PPP6R2: variants seen among roughly 807,000 people sequenced by gnomAD.
PPP6R2 encodes the protein serine/threonine-protein phosphatase 6 regulatory subunit 2.
PPP6R2 carries 62 observed loss-of-function variants against 100.2 expected under a neutral mutation model. That is an observed-to-expected ratio of 0.62 (90% CI 0.50 to 0.76). The LOEUF (loss-of-function observed/expected upper bound fraction) is 0.76. Among genes scored for constraint, PPP6R2 ranks in the 30% least tolerant of loss-of-function variants. The probability of loss-of-function intolerance (pLI) is 0.00; values close to 1 mark genes in which losing one functional copy is unlikely to be tolerated. For synonymous variants in PPP6R2, 525 were observed against 514.7 expected (o/e 1.02, Z -0.27); for missense variants, 1,142 against 1,276.3 (o/e 0.89, Z 1.60).
the PPP6R2 span, among the ~76,000 whole-genome samples, chr22:50,334,778 A>C: frequency 1.3e-5 from 2 of 151,994 alleles, no homozygotes; most frequent in Admixed American, 1.3e-4. Flanking sequence ...CCAGCCTGGC[A>C]AACATGGTGA....
chr22:50,412,628 TC>T lies in PPP6R2; in HGVS notation c.415-1922del, dbSNP rs1228713827. The stretch of plus-strand genomic sequence containing the variant: ...TTTGTTTCTTGTCAGTTTAAATAAG[TC>T]CTTTTTTTTTTTTTTTTTTTTTTTT... On this transcript the variant is annotated intron_variant, in intron 4 of 23. Coordinates refer to ENST00000612753, the MANE Select transcript of PPP6R2 (RefSeq NM_001242898.2). 1.5e-4 allele frequency among the ~76,000 whole-genome samples: 20 copies of T among 137,726 alleles called. No homozygotes were observed. In the East Asian group the frequency reaches 3.4e-3, roughly 24 times the overall value. The allele number at this position is 137,726 out of a possible 152,430, so 90.4% of individuals were successfully genotyped here. A position where few individuals can be genotyped will look rare whatever the true frequency, so the allele number is the denominator to read the frequency against.
chr22:50,375,088 G>T (rs1479775993), intron 2 of PPP6R2, among the ~76,000 whole-genome samples: 2 of 152,152 alleles, frequency 1.3e-5, no homozygotes, highest in Admixed American at 6.6e-5. Context: ...ATGGAAGCCA[G>T]TAGAGAGTAG....
At chr22:50,351,855 G>A (rs1602086096) in intron 1 of PPP6R2, among the ~76,000 whole-genome samples, 3 of 151,988 alleles carry the variant, frequency 2.0e-5, no homozygotes, top group South Asian at 2.1e-4. Context: ...GTGCAGTGGC[G>A]CGATCTCGGC....
At chr22:50,396,427 A>G (rs1171906803) in intron 3 of PPP6R2, among the ~76,000 whole-genome samples, 5 of 147,080 alleles carry the variant, frequency 3.4e-5, no homozygotes, top group African/African-American at 5.0e-5. Context: ...CCTGGGAGGT[A>G]GAGGTTTCAG....
chr22:50,347,120 A>T (rs142628524), intron 1 of PPP6R2, among the ~76,000 whole-genome samples: 2 of 151,514 alleles, frequency 1.3e-5, no homozygotes, highest in East Asian at 2.0e-4. Context: ...GCTCTTTGCT[A>T]TCGGCCTCTG....
At chr22:50,357,977 G>A (rs899370026) in intron 1 of PPP6R2, among the ~76,000 whole-genome samples, 4 of 151,536 alleles carry the variant, frequency 2.6e-5, no homozygotes, top group Non-Finnish European at 5.9e-5. Context: ...CTTGAGACAC[G>A]GTCTCGCTTT....
chr22:50,436,914 C>A, intron 14 of PPP6R2, 74 bp from the exon 15 acceptor site: 1 of 1,267,176 alleles, frequency 7.9e-7, no homozygotes, highest in South Asian at 1.3e-5. Context: ...GGGCATGGTC[C>A]TGGGCGCTGG....
intron 1 of PPP6R2, among the ~76,000 whole-genome samples, chr22:50,349,008 A>G (rs2044379494): frequency 6.6e-6 from 1 of 151,826 alleles, no homozygotes; most frequent in Admixed American, 6.6e-5. Flanking sequence ...CTTGGCCAAC[A>G]TAGTGAAACT....
intron 3 of PPP6R2, among the ~76,000 whole-genome samples, chr22:50,402,897 C>T (rs971645337): frequency 3.9e-5 from 6 of 152,224 alleles, no homozygotes; most frequent in South Asian, 4.1e-4. Context: ...CATGTGTGCA[C>T]ACGTTTGTCC....
rs2061562848 is a variant in PPP6R2 at position 50,423,178 on chromosome 22, C to G, written c.973-284C>G. On this transcript the variant is annotated intron_variant, in intron 9 of 23. Coordinates refer to ENST00000612753, the MANE Select transcript of PPP6R2 (RefSeq NM_001242898.2). The surrounding 1 kb of genome is among the most constrained non-coding windows in gnomAD (Gnocchi z 4.8). ...GTACTGCTGGCCCCATCTTGGACATCTCACCCGCTGAGGTGCACGGCTCTC... is the reference window on the plus strand; with the variant it reads ...GTACTGCTGGCCCCATCTTGGACATGTCACCCGCTGAGGTGCACGGCTCTC... Among the ~76,000 whole-genome samples the G allele has an allele frequency of 6.6e-6, 1 of 152,192 alleles. No homozygotes were observed. The highest frequency in any genetic ancestry group is 6.5e-5 in the Admixed American group (1 of 15,286).
At chr22:50,364,269 G>C (rs1217593172) in intron 1 of PPP6R2, among the ~76,000 whole-genome samples, 1 of 152,048 alleles carries the variant, frequency 6.6e-6, no homozygotes, top group Non-Finnish European at 1.5e-5. Flanking sequence ...ATGGGAACTT[G>C]GTATATGAGA....
At chr22:50,389,778 T>G (rs2055051443) in intron 2 of PPP6R2, among the ~76,000 whole-genome samples, 1 of 151,658 alleles carries the variant, frequency 6.6e-6, no homozygotes, top group Non-Finnish European at 1.5e-5. Context: ...TTTGTATTTG[T>G]GGTAGAGATG....
chr22:50,436,375 G>T lies in PPP6R2; in HGVS notation c.1525G>T (p.Ala509Ser), dbSNP rs1222293629. 7.6e-6 allele frequency: 12 copies of T among 1,576,352 alleles called. No homozygotes were observed. The highest frequency in any genetic ancestry group is 3.8e-5 in the Admixed American group (2 of 53,320). ...HISEVIRGLP[A>S]DCRGRWESFV... Reference sequence around the variant, plus strand: ...CAGCACTTCCCTTGCAGGGCTCCCTGCGGACTGCCGTGGCCGCTGGGAGAG... The same window carrying T: ...CAGCACTTCCCTTGCAGGGCTCCCTTCGGACTGCCGTGGCCGCTGGGAGAG... The change falls in exon 14 of 24, where the codon GCG (alanine) becomes TCG (serine). Residue 509 changes from alanine to serine, a missense_variant. Ala to Ser is a moderately conservative substitution (Grantham distance 99). Around this residue, in one of 2 missense-constraint regions of PPP6R2, gnomAD observed 592 missense variants for 758.9 expected, o/e 0.78. Coordinates refer to ENST00000612753, the MANE Select transcript of PPP6R2 (RefSeq NM_001242898.2).
At chr22:50,442,869 A>T (rs2066019013) in intron 22 of PPP6R2, among the ~76,000 whole-genome samples, 2 of 149,530 alleles carry the variant, frequency 1.3e-5, no homozygotes, top group Admixed American at 6.6e-5. Flanking sequence ...TGAAATTCTT[A>T]ACAGTCTTTA....
Position 50,438,215 on chromosome 22 carries a change from C to A in PPP6R2, c.1881C>A (p.Ile627=). ...ALFEACCSDR[I]QPFDDDEDED... is the part of the protein sequence containing the mutation. ...TTGAGGCCTGCTGCAGTGACCGCAT[C>A]CAGCCCTTTGATGATGATGAGGACG... The change falls in exon 18 of 24, where the codon ATC becomes ATA. Residue 627 remains isoleucine (I), a synonymous_variant. Coordinates refer to ENST00000612753, the MANE Select transcript of PPP6R2 (RefSeq NM_001242898.2). 1.9e-6 allele frequency: 3 copies of A among 1,613,922 alleles called. No individual in the cohort carries two copies. The highest frequency in any genetic ancestry group is 2.5e-6 in the Non-Finnish European group (3 of 1,179,976).
chr22:50,431,340 C>T lies in PPP6R2; in HGVS notation c.1293C>T (p.Pro431=). The change falls in exon 11 of 24, where the codon CCC becomes CCT. Residue 431 remains proline, a synonymous_variant. Transcript: ENST00000612753. The surrounding 1 kb of genome is among the most constrained non-coding windows in gnomAD (Gnocchi z 4.8). ...ACGGGAACCGGAGCCTGGAGACTCC[C>T]CAGCCGGCCGCCAGCCTCCCTGACA... ...HENGNRSLET[P]QPAASLPDNT... 1 of 1,613,012 alleles carries T rather than the reference C, an allele frequency of 6.2e-7. No individual in the cohort carries two copies. The highest frequency in any genetic ancestry group is 8.5e-7 in the Non-Finnish European group (1 of 1,179,992).
intron 3 of PPP6R2, among the ~76,000 whole-genome samples, chr22:50,395,868 G>C (rs545913623): frequency 1.3e-5 from 2 of 149,766 alleles, no homozygotes; most frequent in African/African-American, 2.5e-5. Flanking sequence ...TGCCTGGCTC[G>C]TTTTACCTTT....
At chr22:50,360,112 G>A (rs2047481801) in intron 1 of PPP6R2, among the ~76,000 whole-genome samples, 1 of 150,872 alleles carries the variant, frequency 6.6e-6, no homozygotes, top group African/African-American at 2.4e-5. Context: ...GAATGCAATG[G>A]CACAATGTCG....
chr22:50,431,430 CAG>C lies in PPP6R2; in HGVS notation c.1335+50_1335+51del. ...TTATCAGCGCCAACTGCGCCCCACT[CAG>C]ACCGTGTCCATGTCAGCGCTGACGT... On this transcript the variant is annotated intron_variant, in intron 11 of 23. Coordinates refer to ENST00000612753, the MANE Select transcript of PPP6R2 (RefSeq NM_001242898.2). This position sits in a 1 kb window ranked among gnomAD's most constrained non-coding sequence, Gnocchi z 4.8. 1 of 1,529,732 alleles carries C rather than the reference CAG, an allele frequency of 6.5e-7. No individual in the cohort carries two copies. The highest frequency in any genetic ancestry group is 1.1e-5 in the South Asian group (1 of 88,274). The allele number at this position is 1,529,732 out of a possible 1,614,324, so 94.8% of individuals were successfully genotyped here.
Sources: allele counts gnomAD v4.1 joint callset (sites outside exome capture counted in the v4.1 genomes callset), GRCh38; gene constraint gnomAD v4.1.1; regional missense constraint gnomAD v4.1.1; non-coding constraint Gnocchi (gnomAD v3.1); transcripts MANE v1.5; gene names NCBI Gene and HGNC (gene_info 2026-07-23, HGNC 2026-07-21).